The following SAMD12 variants were observed in gnomAD, a reference collection of about 807,000 sequenced individuals.
The protein encoded by SAMD12 is sterile alpha motif domain containing 12.
Under a neutral mutation model 15.0 loss-of-function variants are expected in SAMD12, and 9 were observed. The observed-to-expected ratio is 0.60, with a 90% CI of 0.36 to 1.05. The LOEUF is 1.05. Among genes scored for constraint, SAMD12 ranks in the 50% least tolerant of loss-of-function variants. The pLI, the probability that SAMD12 is intolerant of heterozygous loss-of-function variation, is 0.01. For missense variants in SAMD12, 230 were observed against 234.2 expected (o/e 0.98, Z 0.12); for synonymous variants, 86 against 90.1 (o/e 0.96, Z 0.25).
chr8:118,580,013 A>G (rs1269045725), intron 2 of SAMD12, among the ~76,000 whole-genome samples: 1 of 152,162 alleles, frequency 6.6e-6, no homozygotes, highest in East Asian at 1.9e-4. Context: ...ACCAATGCCT[A>G]TTTTGTCAGT....
chr8:118,489,634 G>GT (rs1374831008), intron 2 of SAMD12, among the ~76,000 whole-genome samples: 3 of 152,132 alleles, frequency 2.0e-5, no homozygotes, highest in African/African-American at 7.2e-5. Context: ...CTATCAGGAT[G>GT]TTTTTTATGT....
At chr8:118,132,970 GTGTATATATATATATATATATATA>G in the SAMD12 span, among the ~76,000 whole-genome samples, 71 of 67,536 alleles carry the variant, frequency 1.1e-3, 1 homozygote, top group East Asian at 1.3e-3. Flanking sequence ...ATGTGTGTGT[GTGTATATATATATATATATATATA>G]TATATATATA....
At chr8:118,373,095 T>G (rs1322934666), downstream of SAMD12, among the ~76,000 whole-genome samples, 1 of 152,178 alleles carries the variant, frequency 6.6e-6, no homozygotes, top group Non-Finnish European at 1.5e-5. Context: ...TTCAACTGTG[T>G]GCATTTGCCA....
At chr8:118,427,494 G>A (rs1461496179) in intron 3 of SAMD12, among the ~76,000 whole-genome samples, 1 of 152,114 alleles carries the variant, frequency 6.6e-6, no homozygotes, top group Non-Finnish European at 1.5e-5. Flanking sequence ...TGATCTGACT[G>A]CTATCCCTAC....
At chr8:118,218,833 G>A (rs1812021917) in intron 4 of SAMD12, among the ~76,000 whole-genome samples, 2 of 152,052 alleles carry the variant, frequency 1.3e-5, no homozygotes, top group African/African-American at 4.8e-5. Context: ...TGTTCATCTA[G>A]TTGACCTTCA....
chr8:118,319,333 C>T (rs544392172), intron 4 of SAMD12, among the ~76,000 whole-genome samples: 2 of 152,192 alleles, frequency 1.3e-5, no homozygotes, highest in East Asian at 1.9e-4. Flanking sequence ...ACCTTCCTGA[C>T]CCACTTCTCT....
At chr8:118,463,601 G>A (rs2130943992) in intron 2 of SAMD12, among the ~76,000 whole-genome samples, 1 of 152,200 alleles carries the variant, frequency 6.6e-6, no homozygotes, top group Admixed American at 6.5e-5. Context: ...TCCTGATGAA[G>A]GGGAACAGAA....
intron 1 of SAMD12, among the ~76,000 whole-genome samples, chr8:118,602,150 G>A (rs1228701999): frequency 6.6e-6 from 1 of 152,130 alleles, no homozygotes; most frequent in Non-Finnish European, 1.5e-5. Flanking sequence ...AAAAAAATAT[G>A]CTTGCCCCAA....
the SAMD12 span, among the ~76,000 whole-genome samples, chr8:118,134,205 G>A: frequency 6.6e-6 from 1 of 152,334 alleles, no homozygotes; most frequent in African/African-American, 2.4e-5. Flanking sequence ...GGTCTCATCT[G>A]TATAATTTTC....
At chr8:118,238,115 T>C (rs1273346660) in intron 4 of SAMD12, among the ~76,000 whole-genome samples, 2 of 152,174 alleles carry the variant, frequency 1.3e-5, no homozygotes, top group African/African-American at 4.8e-5. Context: ...ACTCCAGCTC[T>C]AGAAATACTT....
At position 118,321,301 on chromosome 8, in the gene SAMD12, TTTTTTTTTGG is replaced by T. The variant is rs1447934178; in HGVS notation, c.433+58249_433+58258del. Among the ~76,000 whole-genome samples the T allele has an allele frequency of 1.5e-3, 91 of 59,018 alleles. 2 individuals are homozygous for T. The highest frequency in any genetic ancestry group is 8.2e-3 in the African/African-American group (86 of 10,544). 38.7% of individuals were successfully genotyped at this position (59,018 alleles called of 152,430 possible). A position where few individuals can be genotyped will look rare whatever the true frequency, so the allele number is the denominator to read the frequency against. ...AAAGAGGTGTTTTTTTTTTGTTTTTTTTTTTTTTGGTTTTTTTTTAAAGAAAAGTAGGCTT... is the reference window on the plus strand; with the variant it reads ...AAAGAGGTGTTTTTTTTTTGTTTTTTTTTTTTTTTAAAGAAAAGTAGGCTT... On this transcript the variant is annotated intron_variant, in intron 4 of 4. Transcript: ENST00000409003.
In SAMD12 at chr8:118,268,499, T is replaced by C. The variant is rs139713551; in HGVS notation, c.434-70767A>G. 4.9e-3 allele frequency among the ~76,000 whole-genome samples: 752 copies of C among 152,252 alleles called. 1 individual carries two copies. The highest frequency in any genetic ancestry group is 7.7e-3 in the Non-Finnish European group (524 of 68,024). On this transcript the variant is annotated intron_variant, in intron 4 of 4. Coordinates refer to the SAMD12 transcript ENST00000409003. The stretch of plus-strand genomic sequence containing the variant: ...TCAGCCCCAAACTCTATACCAGTTG[T>C]CTAAATTCTCTCTCAACATGTTCCA...
At chr8:118,323,165 C>G (rs1424415833) in intron 4 of SAMD12, among the ~76,000 whole-genome samples, 8 of 152,162 alleles carry the variant, frequency 5.3e-5, no homozygotes, top group Non-Finnish European at 1.2e-4. Flanking sequence ...CACCCACTGA[C>G]CTGCAGCCTT....
intron 4 of SAMD12, among the ~76,000 whole-genome samples, chr8:118,202,441 C>T (rs1396019690): frequency 2.0e-5 from 3 of 152,128 alleles, no homozygotes; most frequent in Non-Finnish European, 4.4e-5. Context: ...ATTAGCGCAG[C>T]CCTTAACAGA....
At chr8:118,350,169 C>T (rs570536245) in intron 4 of SAMD12, among the ~76,000 whole-genome samples, 43 of 152,264 alleles carry the variant, frequency 2.8e-4, no homozygotes, top group African/African-American at 9.4e-4. Flanking sequence ...CTCTCTTACT[C>T]CACACAATCA....
At chr8:118,229,762 C>T (rs1563705984) in intron 4 of SAMD12, among the ~76,000 whole-genome samples, 2 of 152,148 alleles carry the variant, frequency 1.3e-5, no homozygotes, top group African/African-American at 4.8e-5. Context: ...TCATTACAGA[C>T]ACTGTCACAT....
chr8:118,423,814 A>G (rs1822125830), intron 3 of SAMD12, among the ~76,000 whole-genome samples: 1 of 152,152 alleles, frequency 6.6e-6, no homozygotes, highest in Non-Finnish European at 1.5e-5. Context: ...AATAATACCA[A>G]CCTTAAAGGG....
intron 4 of SAMD12, among the ~76,000 whole-genome samples, chr8:118,263,445 C>T (rs1813129674): frequency 6.6e-6 from 1 of 151,974 alleles, no homozygotes; most frequent in Non-Finnish European, 1.5e-5. Flanking sequence ...TCTTCAGACA[C>T]ACGTTTTACT....
At position 118,279,189 on chromosome 8, in the gene SAMD12, A is replaced by G. The variant is rs1813548134; in HGVS notation, c.434-81457T>C. 3.3e-5 allele frequency among the ~76,000 whole-genome samples: 5 copies of G among 152,206 alleles called. No homozygotes were observed. In the South Asian group the frequency reaches 1.0e-3, roughly 32 times the overall value. On this transcript the variant is annotated intron_variant, in intron 4 of 4. Coordinates refer to the SAMD12 transcript ENST00000409003. ...GAAGATGAATTCCAAGTGGTCAAAA[A>G]GCTCAATTGCTCACCCCTGACAATT...
Sources: gnomAD v4.1 joint callset for allele counts (sites outside exome capture counted in the v4.1 genomes callset) on GRCh38, gnomAD v4.1.1 for gene constraint, MANE v1.5 for transcripts, NCBI Gene and HGNC (gene_info 2026-07-23, HGNC 2026-07-21) for gene names.